The following DLG2 variants were observed in gnomAD, a reference collection of about 807,000 sequenced individuals.
DLG2 encodes the protein discs large MAGUK scaffold protein 2, also known as disks large homolog 2.
Under a neutral mutation model 132.5 loss-of-function variants are expected in DLG2, and 45 were observed. The observed-to-expected ratio is 0.34, with a 90% CI of 0.27 to 0.44. The LOEUF (loss-of-function observed/expected upper bound fraction) is 0.44. DLG2 is among the 20% of genes least tolerant of loss of function. The pLI, the probability that DLG2 is intolerant of heterozygous loss-of-function variation, is 1.00. For synonymous variants in DLG2, 424 were observed against 419.6 expected (o/e 1.01, Z -0.13); for missense variants, 1,045 against 1,196.9 (o/e 0.87, Z 1.87).
chr11:84,198,247 C>A (rs1597244251), intron 8 of DLG2, among the ~76,000 whole-genome samples: 1 of 152,152 alleles, frequency 6.6e-6, no homozygotes, highest in South Asian at 2.1e-4. Context: ...GTATATTAAT[C>A]CCTGTTTTTC....
chr11:83,491,917 A>G (rs753352312), intron 21 of DLG2, among the ~76,000 whole-genome samples: 11 of 151,972 alleles, frequency 7.2e-5, no homozygotes, highest in Non-Finnish European at 1.5e-4. Context: ...TCGTAACATC[A>G]TCTACACCAG....
chr11:85,343,023 C>T (rs979346346), intron 3 of DLG2, among the ~76,000 whole-genome samples: 6 of 150,470 alleles, frequency 4.0e-5, no homozygotes, highest in Admixed American at 6.7e-5. Flanking sequence ...AATGCTGTTT[C>T]GTAATGTGAG....
At chr11:84,379,355 C>G (rs1234364850) in intron 7 of DLG2, among the ~76,000 whole-genome samples, 1 of 151,636 alleles carries the variant, frequency 6.6e-6, no homozygotes, top group Middle Eastern at 3.2e-3. Flanking sequence ...AACAAAGAAC[C>G]AAATAAAATT....
chr11:83,705,520 C>A (rs1002718807), intron 18 of DLG2, among the ~76,000 whole-genome samples: 6 of 151,918 alleles, frequency 3.9e-5, no homozygotes, highest in Non-Finnish European at 8.8e-5. Context: ...TGACTCAAAA[C>A]TATCATTATG....
chr11:85,179,091 A>T (rs1414942343), intron 4 of DLG2, among the ~76,000 whole-genome samples: 2 of 151,902 alleles, frequency 1.3e-5, no homozygotes, highest in Non-Finnish European at 2.9e-5. Context: ...AGCAGGAATA[A>T]AAAGGAAATC....
intron 6 of DLG2, among the ~76,000 whole-genome samples, chr11:84,931,483 C>T (rs1379876450): frequency 2.0e-5 from 3 of 152,146 alleles, no homozygotes; most frequent in Non-Finnish European, 2.9e-5. Flanking sequence ...CATGTTCCTG[C>T]AAAGGACATA....
intron 18 of DLG2, among the ~76,000 whole-genome samples, chr11:83,755,431 T>C (rs967366370): frequency 3.3e-5 from 5 of 151,304 alleles, no homozygotes; most frequent in Non-Finnish European, 7.4e-5. Flanking sequence ...TGAATGTACA[T>C]ATACATATAG....
intron 7 of DLG2, among the ~76,000 whole-genome samples, chr11:84,260,404 A>T (rs1412195600): frequency 2.0e-5 from 3 of 152,194 alleles, no homozygotes; most frequent in Non-Finnish European, 2.9e-5. Context: ...CCATATACGT[A>T]CTTACACTTA....
intron 3 of DLG2, among the ~76,000 whole-genome samples, chr11:85,543,238 T>A (rs1401586234): frequency 2.0e-5 from 3 of 152,200 alleles, no homozygotes; most frequent in Non-Finnish European, 4.4e-5. Context: ...CATGCAATGT[T>A]TGGTTTTCTG....
At chr11:84,995,850 T>C (rs2057600842) in intron 6 of DLG2, among the ~76,000 whole-genome samples, 1 of 152,166 alleles carries the variant, frequency 6.6e-6, no homozygotes, top group Non-Finnish European at 1.5e-5. Flanking sequence ...CAGACTATTC[T>C]CCCTGCCCAT....
chr11:84,366,669 C>G (rs2098684700), intron 7 of DLG2, among the ~76,000 whole-genome samples: 1 of 152,006 alleles, frequency 6.6e-6, no homozygotes, highest in South Asian at 2.1e-4. Context: ...ATCCTAGTCT[C>G]TGATAAAACA....
chr11:84,317,265 T>C, intron 7 of DLG2: 3 of 1,492,410 alleles, frequency 2.0e-6, no homozygotes, highest in Non-Finnish European at 1.8e-6. Context: ...CCTCAGTATC[T>C]TTGACAGCTG....
chr11:84,502,406 C>CTTTCTTTT (rs1567807468), intron 7 of DLG2, among the ~76,000 whole-genome samples: 1 of 98,958 alleles, frequency 1.0e-5, no homozygotes, highest in Admixed American at 1.1e-4. Flanking sequence ...TTCTTTCTTT[C>CTTTCTTTT]TTTCTTTCTA....
chr11:84,910,172 C>G (rs1591112491), intron 6 of DLG2, among the ~76,000 whole-genome samples: 1 of 152,190 alleles, frequency 6.6e-6, no homozygotes, highest in East Asian at 1.9e-4. Flanking sequence ...TAAAGATCAA[C>G]CGCCTTGTCT....
At chr11:83,535,066 A>G (rs1389979485) in intron 20 of DLG2, among the ~76,000 whole-genome samples, 1 of 152,258 alleles carries the variant, frequency 6.6e-6, no homozygotes, top group Non-Finnish European at 1.5e-5. Context: ...CAGATAAGAT[A>G]AGCTGCCAAG....
chr11:83,545,999 C>A (rs760555470), intron 19 of DLG2, among the ~76,000 whole-genome samples: 13 of 152,256 alleles, frequency 8.5e-5, no homozygotes, highest in Admixed American at 2.6e-4. Flanking sequence ...CATTAAGACT[C>A]ACACTTTCCA....
At chr11:83,632,976 T>A (rs2063829597) in intron 19 of DLG2, 1 of 499,592 alleles carries the variant, frequency 2.0e-6, no homozygotes, top group African/African-American at 1.9e-5. Context: ...GAGCATTTTA[T>A]CCTGAATCAT....
chr11:84,704,154 T>G lies in DLG2; in HGVS notation c.358-169423A>C, dbSNP rs115692257. On this transcript the variant is annotated intron_variant, in intron 6 of 27. Transcript: ENST00000376104. The stretch of plus-strand genomic sequence containing the variant: ...AAGTCTTCAGGAAGTTTAAGTATCT[T>G]TCCCACATCCCTACTGCTAATAAAT... 7.0e-3 allele frequency among the ~76,000 whole-genome samples: 1,063 copies of G among 151,398 alleles called. 16 individuals carry two copies. Among genetic ancestry groups the G allele is most frequent in the African/African-American group, 0.023 (966 of 41,394 alleles).
At chr11:85,482,798 G>C (rs1317614300) in intron 3 of DLG2, among the ~76,000 whole-genome samples, 1 of 152,102 alleles carries the variant, frequency 6.6e-6, no homozygotes, top group Non-Finnish European at 1.5e-5. Flanking sequence ...AGAAAACCCA[G>C]AGTCCAGACC....
Sources: gnomAD v4.1 joint callset for allele counts (sites outside exome capture counted in the v4.1 genomes callset) on GRCh38, gnomAD v4.1.1 for gene constraint, MANE v1.5 for transcripts, NCBI Gene and HGNC (gene_info 2026-07-23, HGNC 2026-07-21) for gene names.